CHP1: variants seen among roughly 807,000 people sequenced by gnomAD.
The protein encoded by CHP1 is calcineurin like EF-hand protein 1.
Under a neutral mutation model 27.4 loss-of-function variants are expected in CHP1, and 11 were observed. The observed-to-expected ratio is 0.40, with a 90% CI of 0.25 to 0.67. The LOEUF is 0.67. Among genes scored for constraint, CHP1 ranks in the 30% least tolerant of loss-of-function variants. The pLI is 0.38. For missense variants in CHP1, 169 were observed against 251.3 expected (o/e 0.67, Z 2.22); for synonymous variants, 89 against 87.4 (o/e 1.02, Z -0.10).
At position 41,278,791 on chromosome 15, in the gene CHP1, A is replaced by C; in HGVS notation, c.436A>C (p.Asn146His). Reference sequence around the variant, plus strand: ...GGTGCTACGCATGATGGTCGGAGTAAATATCTCAGATGAGCAGCTGGGCAG... The same window carrying C: ...GGTGCTACGCATGATGGTCGGAGTACATATCTCAGATGAGCAGCTGGGCAG... Reference protein sequence around the residue: ...LQVLRMMVGVNISDEQLGSIA... With the variant: ...LQVLRMMVGVHISDEQLGSIA... The change falls in exon 6 of 7, where the codon AAT becomes CAT. Residue 146 changes from asparagine (N) to histidine (H), a missense_variant. By Grantham distance (68) the Asn-to-His change is moderately conservative. Transcript: ENST00000334660. The C allele has an allele frequency of 6.2e-7, 1 of 1,614,138 alleles. No individual in the cohort carries two copies. Among genetic ancestry groups the C allele is most frequent in the Non-Finnish European group, 8.5e-7 (1 of 1,180,022 alleles).
At chr15:41,279,275 A>C in intron 6 of CHP1, 61 bp from the exon 7 acceptor site, 4 of 1,319,954 alleles carry the variant, frequency 3.0e-6, no homozygotes, top group Non-Finnish European at 4.4e-6. Context: ...TACTCAGATA[A>C]GAGCTTGGGA....
At chr15:41,253,111 G>A (rs966891561) in intron 2 of CHP1, among the ~76,000 whole-genome samples, 8 of 151,200 alleles carry the variant, frequency 5.3e-5, no homozygotes, top group African/African-American at 1.9e-4. Context: ...GCTAATTTTT[G>A]TGTTTTTAGT....
intron 2 of CHP1, among the ~76,000 whole-genome samples, chr15:41,249,260 G>GCCTCTT (rs2047351545): frequency 6.6e-6 from 1 of 151,602 alleles, no homozygotes; most frequent in African/African-American, 2.4e-5. Flanking sequence ...GCTCACTGTA[G>GCCTCTT]CCTCCCACCT....
intron 2 of CHP1, among the ~76,000 whole-genome samples, chr15:41,255,164 A>G (rs1595476681): frequency 6.6e-6 from 1 of 152,136 alleles, no homozygotes; most frequent in Admixed American, 6.6e-5. Context: ...ATTATCCAAT[A>G]ATGTCCTTAT....
chr15:41,258,667 C>T (rs955598384), intron 3 of CHP1, among the ~76,000 whole-genome samples: 2 of 152,176 alleles, frequency 1.3e-5, no homozygotes, highest in South Asian at 2.1e-4. Context: ...ACTGCCTTCA[C>T]AGTAGTGAGT....
At chr15:41,265,839 A>G (rs16971726) in intron 4 of CHP1, among the ~76,000 whole-genome samples, 34,791 of 152,132 alleles carry the variant, frequency 0.23, 4,119 homozygotes, top group African/African-American at 0.25. Flanking sequence ...TTTCTAAGCC[A>G]CGGTGAGAGA....
At chr15:41,237,159 T>C (rs1487896404) in intron 1 of CHP1, among the ~76,000 whole-genome samples, 1 of 145,580 alleles carries the variant, frequency 6.9e-6, no homozygotes, top group African/African-American at 2.5e-5. Context: ...TTTTTTTTTT[T>C]AATTGAGATG....
At position 41,231,444 on chromosome 15, in the gene CHP1, C is replaced by A; in HGVS notation, c.62C>A (p.Thr21Asn). The A allele has an allele frequency of 6.2e-7, 1 of 1,601,652 alleles. No homozygotes were observed. ...DEELEEIKKE[T>N]GFSHSQITRL... ...GAGCTCGAGGAGATCAAGAAGGAGA[C>A]CGGCTGTGAGTTCGGGTTGGGGGTG... The change falls in exon 1 of 7, where the codon ACC becomes AAC. Residue 21 changes from threonine (T) to asparagine (N), a missense_variant. Physicochemically the swap from Thr to Asn is moderately conservative, Grantham distance 65. Coordinates refer to ENST00000334660, the MANE Select transcript of CHP1 (RefSeq NM_007236.5).
chr15:41,279,502 C>G lies in CHP1; in HGVS notation c.*113C>G, dbSNP rs2047535597. 1.2e-6 allele frequency: 1 copy of G among 856,840 alleles called. No individual in the cohort carries two copies. The highest frequency in any genetic ancestry group is 1.7e-5 in the African/African-American group (1 of 59,136). 53.1% of individuals were successfully genotyped at this position (856,840 alleles called of 1,614,324 possible). On this transcript the variant is annotated 3_prime_UTR_variant, in exon 7 of 7. Transcript: ENST00000334660. ...TTCCCCTTCTCCCAAAGTACTACTG[C>G]TGTTGCATGACAACCCCAAATATGT...
At chr15:41,234,921 A>T (rs1396569262) in intron 1 of CHP1, among the ~76,000 whole-genome samples, 2 of 152,202 alleles carry the variant, frequency 1.3e-5, no homozygotes, top group Non-Finnish European at 2.9e-5. Flanking sequence ...TGTAGTGGAC[A>T]GTTGATTAGG....
chr15:41,255,194 C>A (rs189103565), intron 2 of CHP1, among the ~76,000 whole-genome samples: 2 of 151,942 alleles, frequency 1.3e-5, no homozygotes, highest in Non-Finnish European at 2.9e-5. Flanking sequence ...TTTCCTAGTC[C>A]GGGATCATGT....
chr15:41,240,023 G>T (rs1028108462), intron 1 of CHP1, among the ~76,000 whole-genome samples: 4 of 151,814 alleles, frequency 2.6e-5, no homozygotes, highest in African/African-American at 4.8e-5. Flanking sequence ...TGATCCGCCC[G>T]CCTCGGCCTC....
intron 2 of CHP1, among the ~76,000 whole-genome samples, chr15:41,249,910 C>T (rs1031579557): frequency 5.3e-5 from 8 of 150,414 alleles, no homozygotes; most frequent in African/African-American, 2.0e-4. Context: ...GAGTGAGAGG[C>T]TACAGTGTAC....
In CHP1 at chr15:41,243,518, A is replaced by G. The variant is rs1449568651; in HGVS notation, c.68-149A>G. 20 of 590,710 alleles carry G rather than the reference A, an allele frequency of 3.4e-5. No homozygotes were observed. In the East Asian group the frequency reaches 5.1e-4, roughly 15 times the overall value. 36.6% of individuals were successfully genotyped at this position (590,710 alleles called of 1,614,324 possible). A position where few individuals can be genotyped will look rare whatever the true frequency, so the allele number is the denominator to read the frequency against. The stretch of plus-strand genomic sequence containing the variant: ...TATTCTCTAACTCCTTTCATTCTTT[A>G]GCTTTTAAACTTTCTGCTTTAACAT... On this transcript the variant is annotated intron_variant, in intron 1 of 6. Transcript: ENST00000334660.
chr15:41,233,147 G>A (rs1274368221), intron 1 of CHP1, among the ~76,000 whole-genome samples: 3 of 152,152 alleles, frequency 2.0e-5, no homozygotes, highest in Non-Finnish European at 4.4e-5. Flanking sequence ...GATTCAACAA[G>A]CATTTTATTA....
At chr15:41,276,715 C>G (rs2047520950) in intron 5 of CHP1, among the ~76,000 whole-genome samples, 3 of 152,170 alleles carry the variant, frequency 2.0e-5, no homozygotes, top group Non-Finnish European at 4.4e-5. Flanking sequence ...TTGGGCCATA[C>G]TTTAGGAATA....
intron 1 of CHP1, among the ~76,000 whole-genome samples, chr15:41,235,543 A>C (rs983510828): frequency 6.6e-6 from 1 of 152,092 alleles, no homozygotes; most frequent in Non-Finnish European, 1.5e-5. Flanking sequence ...AACAAACAAC[A>C]ACCACAAAAA....
chr15:41,272,002 C>T (rs1159551815), intron 5 of CHP1, among the ~76,000 whole-genome samples: 1 of 152,222 alleles, frequency 6.6e-6, no homozygotes, highest in East Asian at 1.9e-4. Context: ...GTTGGGATTA[C>T]AGGCGTGAGC....
chr15:41,263,601 G>A (rs571092331), intron 4 of CHP1, among the ~76,000 whole-genome samples: 9 of 152,304 alleles, frequency 5.9e-5, no homozygotes, highest in East Asian at 1.9e-4. Context: ...AAGGCTGGGC[G>A]CAGTGGCTCA....
Sources: gnomAD v4.1 joint callset for allele counts (sites outside exome capture counted in the v4.1 genomes callset) on GRCh38, gnomAD v4.1.1 for gene constraint, MANE v1.5 for transcripts, NCBI Gene and HGNC (gene_info 2026-07-23, HGNC 2026-07-21) for gene names.